The following LTBP1 variants were observed in gnomAD, a reference collection of about 807,000 sequenced individuals.
LTBP1 encodes latent-transforming growth factor beta-binding protein 1.
A neutral mutation model predicts 207.6 loss-of-function variants in LTBP1; 129 were observed. The observed-to-expected ratio is 0.62, with a 90% CI of 0.54 to 0.72. The LOEUF is 0.72. LTBP1 is among the 30% of genes least tolerant of loss of function. The probability of loss-of-function intolerance (pLI) is 0.00; values close to 1 mark genes in which losing one functional copy is unlikely to be tolerated. For synonymous variants in LTBP1, 963 were observed against 833.7 expected, an observed-to-expected ratio of 1.16 and a Z score of -2.67; for missense variants, 2,281 against 2,217.2, an observed-to-expected ratio of 1.03 and a Z score of -0.58.
chr2:33,218,849 G>T (rs746936181), intron 8 of LTBP1, among the ~76,000 whole-genome samples: 1 of 151,966 alleles, frequency 6.6e-6, no homozygotes, highest in African/African-American at 2.4e-5. Flanking sequence ...TTTATTCTTT[G>T]TACTGCAAGA....
intron 31 of LTBP1, among the ~76,000 whole-genome samples, chr2:33,368,787 G>A (rs1012806289): frequency 3.9e-5 from 6 of 152,178 alleles, no homozygotes; most frequent in Non-Finnish European, 8.8e-5. Context: ...TGAGGTGGGA[G>A]GATGGCTTCA....
intron 26 of LTBP1, among the ~76,000 whole-genome samples, chr2:33,353,860 CTTT>C (rs1321533317): frequency 1.0e-5 from 1 of 98,272 alleles, no homozygotes; most frequent in Admixed American, 9.5e-5. Flanking sequence ...GCATGTACGC[CTTT>C]TTTTTTTTTT....
At chr2:33,341,729 A>AAAAAAAAAT (rs745445793) in intron 24 of LTBP1, among the ~76,000 whole-genome samples, 13 of 93,630 alleles carry the variant, frequency 1.4e-4, no homozygotes, top group African/African-American at 6.1e-4. Flanking sequence ...AAAAAAAAAA[A>AAAAAAAAAT]ATATATATAT....
intron 5 of LTBP1, among the ~76,000 whole-genome samples, chr2:33,143,122 C>A (rs2082761488): frequency 6.6e-6 from 1 of 152,202 alleles, no homozygotes; most frequent in Non-Finnish European, 1.5e-5. Context: ...GCTCCTGTGT[C>A]TCTGTGCACA....
intron 2 of LTBP1, among the ~76,000 whole-genome samples, chr2:32,981,274 A>AT (rs949148264): frequency 2.6e-5 from 4 of 151,852 alleles, no homozygotes; most frequent in African/African-American, 9.7e-5. Flanking sequence ...TTAATTGTGT[A>AT]TTTTTGTTGT....
rs1404767818 is a variant in LTBP1 at position 33,399,281 on chromosome 2, C to G, written c.*736C>G. 3.3e-5 allele frequency: 5 copies of G among 151,958 alleles called. No homozygotes were observed. Among genetic ancestry groups the G allele is most frequent in the Admixed American group, 6.6e-5 (1 of 15,234 alleles). 9.4% of individuals were successfully genotyped at this position (151,958 alleles called of 1,614,324 possible). On this transcript the variant is annotated 3_prime_UTR_variant, in exon 34 of 34. Transcript: ENST00000404816. ...TAGTATTGTAATATGTAAAGTAAGC[C>G]CAACAAAAATTTTTAAAAATTTGAT...
intron 2 of LTBP1, among the ~76,000 whole-genome samples, chr2:32,974,908 T>G (rs1015039643): frequency 1.3e-5 from 2 of 152,234 alleles, no homozygotes; most frequent in Admixed American, 6.5e-5. Context: ...GTGGATTTGA[T>G]CCTGTCACCA....
intron 3 of LTBP1, among the ~76,000 whole-genome samples, chr2:33,047,865 G>A (rs1169761581): frequency 6.6e-6 from 1 of 152,084 alleles, no homozygotes; most frequent in African/African-American, 2.4e-5. Context: ...TTACCACTAT[G>A]TAATGCCCTT....
At chr2:33,182,731 CA>C (rs1476410191) in intron 5 of LTBP1, among the ~76,000 whole-genome samples, 1 of 100,400 alleles carries the variant, frequency 1.0e-5, no homozygotes, top group Non-Finnish European at 2.1e-5. Flanking sequence ...CACACACACA[CA>C]CACAGACATA....
intron 23 of LTBP1, among the ~76,000 whole-genome samples, chr2:33,311,457 A>G (rs1436472603): frequency 4.0e-5 from 6 of 151,540 alleles, no homozygotes; most frequent in African/African-American, 1.5e-4. Flanking sequence ...TTATAAATAT[A>G]TGTGAGAATA....
intron 31 of LTBP1, among the ~76,000 whole-genome samples, chr2:33,367,520 G>T (rs1372040189): frequency 6.6e-6 from 1 of 152,058 alleles, no homozygotes; most frequent in Non-Finnish European, 1.5e-5. Context: ...CCACATTTTG[G>T]AGTCTCCAGT....
intron 3 of LTBP1, among the ~76,000 whole-genome samples, chr2:33,023,783 C>T (rs1391089945): frequency 1.3e-5 from 2 of 152,112 alleles, no homozygotes; most frequent in Admixed American, 1.3e-4. Flanking sequence ...TAGAATTAGC[C>T]CTTTGATTAA....
intron 4 of LTBP1, among the ~76,000 whole-genome samples, chr2:33,126,496 C>A (rs2150468450): frequency 6.6e-6 from 1 of 152,266 alleles, no homozygotes; most frequent in East Asian, 1.9e-4. Flanking sequence ...CAGTGTTCAA[C>A]AGAAGGGGCA....
intron 3 of LTBP1, among the ~76,000 whole-genome samples, chr2:33,040,081 C>T (rs55688113): frequency 0.11 from 16,814 of 151,972 alleles, 1,043 homozygotes; most frequent in African/African-American, 0.13. Context: ...CATGGAGGCC[C>T]ATAGAGATTT....
intron 2 of LTBP1, among the ~76,000 whole-genome samples, chr2:33,006,669 C>T (rs1686925689): frequency 7.9e-6 from 1 of 127,180 alleles, no homozygotes; most frequent in African/African-American, 2.7e-5. Flanking sequence ...AGGTGTGAAC[C>T]ACCATGCCTG....
intron 2 of LTBP1, among the ~76,000 whole-genome samples, chr2:32,956,276 G>A (rs1433530011): frequency 6.6e-6 from 1 of 152,212 alleles, no homozygotes; most frequent in Non-Finnish European, 1.5e-5. Context: ...ATACAGTGCT[G>A]TTTGATAGCA....
chr2:33,355,888 C>A (rs1013392103), intron 26 of LTBP1, among the ~76,000 whole-genome samples: 1 of 152,138 alleles, frequency 6.6e-6, no homozygotes, highest in Non-Finnish European at 1.5e-5. Context: ...TCTTTAAGAG[C>A]AAGAACTATG....
At chr2:33,290,360 G>A (rs771309773) in intron 19 of LTBP1, among the ~76,000 whole-genome samples, 1 of 152,286 alleles carries the variant, frequency 6.6e-6, no homozygotes, top group East Asian at 1.9e-4. Context: ...CTTCCCAAGG[G>A]TTGGAAGCTA....
At chr2:33,327,467 A>G (rs1190772603) in intron 24 of LTBP1, among the ~76,000 whole-genome samples, 1 of 152,206 alleles carries the variant, frequency 6.6e-6, no homozygotes, top group Non-Finnish European at 1.5e-5. Context: ...GGATTCAAAT[A>G]ACTCCCATGA....
Sources: allele counts gnomAD v4.1 joint callset (sites outside exome capture counted in the v4.1 genomes callset), GRCh38; gene constraint gnomAD v4.1.1; transcripts MANE v1.5; gene names NCBI Gene and HGNC (gene_info 2026-07-23, HGNC 2026-07-21).